Variants in GLB1 observed in about 807,000 individuals in gnomAD.
GLB1 encodes the protein galactosidase beta 1.
GLB1 carries 56 observed loss-of-function variants against 74.0 expected under a neutral mutation model. That is an observed-to-expected ratio of 0.76 (90% CI 0.61 to 0.94). The LOEUF (loss-of-function observed/expected upper bound fraction) is 0.94. Ranked by LOEUF, GLB1 falls within the 40% of genes least tolerant of loss-of-function variation. The pLI is 0.00. For synonymous variants in GLB1, 323 were observed against 323.6 expected (o/e 1.00, Z 0.02); for missense variants, 787 against 845.5 (o/e 0.93, Z 0.86).
intron 10 of GLB1, chr3:33,045,565 T>A (rs11927929): frequency 3.7e-5 from 37 of 989,948 alleles, no homozygotes; most frequent in Non-Finnish European, 4.2e-5. Flanking sequence ...ATAATTCTTA[T>A]ACACTTTGGT....
chr3:33,090,677 C>T, intron 1 of GLB1: 1 of 985,424 alleles, frequency 1.0e-6, no homozygotes, highest in Non-Finnish European at 1.2e-6. Flanking sequence ...TCATGGAGAC[C>T]TGCCCACCAG....
At chr3:33,048,469 T>C (rs752201751) in intron 9 of GLB1, among the ~76,000 whole-genome samples, 7 of 152,144 alleles carry the variant, frequency 4.6e-5, no homozygotes, top group Non-Finnish European at 1.0e-4. Context: ...CTGGACCCTG[T>C]AGGCAGCCAT....
chr3:32,986,872 T>C, the GLB1 span, among the ~76,000 whole-genome samples: 1 of 152,182 alleles, frequency 6.6e-6, no homozygotes, highest in East Asian at 1.9e-4. Context: ...ATTACAGCCA[T>C]GAGCCACTGC....
chr3:32,968,348 T>C, the GLB1 span, among the ~76,000 whole-genome samples: 1 of 151,690 alleles, frequency 6.6e-6, no homozygotes. Flanking sequence ...GTCAAGGCCA[T>C]GGTATGAAAA....
the GLB1 span, among the ~76,000 whole-genome samples, chr3:32,976,305 C>A: frequency 6.6e-6 from 1 of 152,184 alleles, no homozygotes; most frequent in African/African-American, 2.4e-5. Context: ...CTGGAGCTAT[C>A]GAGGGCCTTT....
chr3:32,973,910 T>C, the GLB1 span, among the ~76,000 whole-genome samples: 2 of 152,086 alleles, frequency 1.3e-5, no homozygotes, highest in Non-Finnish European at 2.9e-5. Context: ...TTTTGGCACT[T>C]GAAGCAAGCA....
At chr3:33,040,606 C>G (rs1361412635) in intron 10 of GLB1, among the ~76,000 whole-genome samples, 2 of 151,868 alleles carry the variant, frequency 1.3e-5, no homozygotes, top group African/African-American at 4.8e-5. Flanking sequence ...GAAACCCTGT[C>G]TCTAAGAACA....
chr3:33,026,614 G>C (rs1697771028), intron 10 of GLB1, among the ~76,000 whole-genome samples: 1 of 152,070 alleles, frequency 6.6e-6, no homozygotes, highest in Non-Finnish European at 1.5e-5. Flanking sequence ...CTTTTCCCTG[G>C]GCCTGCCAAT....
the GLB1 span, among the ~76,000 whole-genome samples, chr3:32,971,059 C>T: frequency 6.6e-6 from 1 of 152,218 alleles, no homozygotes. Context: ...TCCTAAACAT[C>T]TGTACGGAGA....
intron 11 of GLB1, 23 bp downstream of exon 11, chr3:33,024,228 T>C (rs776715606): frequency 1.3e-6 from 2 of 1,598,620 alleles, no homozygotes; most frequent in Non-Finnish European, 1.7e-6. Flanking sequence ...ACTTTCAAAG[T>C]TTCTGTTATT....
intron 10 of GLB1, among the ~76,000 whole-genome samples, chr3:33,043,292 T>C (rs1364213585): frequency 6.6e-6 from 1 of 152,150 alleles, no homozygotes; most frequent in East Asian, 1.9e-4. Flanking sequence ...TGTGTGTCAA[T>C]GACTAGAGAG....
chr3:32,985,716 T>C, the GLB1 span, among the ~76,000 whole-genome samples: 8,232 of 152,210 alleles, frequency 0.054, 242 homozygotes, highest in Middle Eastern at 0.082. Flanking sequence ...TGTCTATATA[T>C]ATTTTTTGAG....
chr3:33,045,653 G>C lies in GLB1; in HGVS notation c.1068+467C>G, dbSNP rs1180560486. 4 of 996,938 alleles carry C rather than the reference G, an allele frequency of 4.0e-6. No individual in the cohort carries two copies. The African/African-American group carries it at 5.2e-5, about 13-fold the overall frequency. The allele number at this position is 996,938 out of a possible 1,614,324, so 61.8% of individuals were successfully genotyped here. On this transcript the variant is annotated intron_variant, in intron 10 of 15. Transcript: ENST00000307363. ...TAGCTTTACCTCTTTTGATATTGAA[G>C]TACATTAGCTGTGTCTCAAGGATAG...
At chr3:32,992,241 T>C (rs1331018254), downstream of GLB1, among the ~76,000 whole-genome samples, 1 of 152,186 alleles carries the variant, frequency 6.6e-6, no homozygotes, top group Non-Finnish European at 1.5e-5. Context: ...CCCCTTTGGG[T>C]CTGGTCTGTG....
the GLB1 span, among the ~76,000 whole-genome samples, chr3:32,975,727 T>C: frequency 6.6e-6 from 1 of 152,088 alleles, no homozygotes; most frequent in East Asian, 1.9e-4. Context: ...TCTAAAACAG[T>C]GAACAAGATC....
In GLB1 at chr3:33,077,148, C is replaced by CTT. The variant is rs747738770; in HGVS notation, c.76-4436_76-4435insAA. The CTT allele has an allele frequency of 7.9e-5, 114 of 1,442,942 alleles. No homozygotes were observed. The African/African-American group carries it at 1.3e-3, about 17-fold the overall frequency. 89.4% of individuals were successfully genotyped at this position (1,442,942 alleles called of 1,614,324 possible). On this transcript the variant is annotated intron_variant, in intron 1 of 15. Coordinates refer to ENST00000307363, the MANE Select transcript of GLB1 (RefSeq NM_000404.4). Reference sequence around the variant, plus strand: ...TCCTGTTGCTGCTTGCGTGCTCATTCGGTGCAGTCTTGGTACCTCTTTTGT... The same window carrying CTT: ...TCCTGTTGCTGCTTGCGTGCTCATTCTTGGTGCAGTCTTGGTACCTCTTTTGT...
At chr3:32,962,672 T>G in the GLB1 span, among the ~76,000 whole-genome samples, 1 of 151,604 alleles carries the variant, frequency 6.6e-6, no homozygotes, top group Non-Finnish European at 1.5e-5. Context: ...CAAATAACAA[T>G]CAGGAGATGT....
the GLB1 span, among the ~76,000 whole-genome samples, chr3:32,967,502 G>A: frequency 6.6e-6 from 1 of 152,296 alleles, no homozygotes; most frequent in East Asian, 1.9e-4. Flanking sequence ...GGGAGGTGGA[G>A]GTTCAAGATG....
At position 33,065,548 on chromosome 3, in the gene GLB1, G is replaced by C; in HGVS notation, c.467C>G (p.Ala156Gly). 1 of 1,575,938 alleles carries C rather than the reference G, an allele frequency of 6.3e-7. No individual in the cohort carries two copies. The highest frequency in any genetic ancestry group is 8.6e-7 in the Non-Finnish European group (1 of 1,157,462). Residue 156 changes from alanine to glycine, a missense_variant, in exon 5 of 16, where the codon GCA becomes GGA. Ala to Gly is a moderately conservative substitution (Grantham distance 60). Transcript: ENST00000307363. ...LLRSSDPDYL[A>G]AVDKWLGVLL... ...GACTCCCAACCACTTGTCCACAGCT[G>C]CCAGGTAATCTGGAAAACAAGAAAA...
Sources: allele counts gnomAD v4.1 joint callset (sites outside exome capture counted in the v4.1 genomes callset), GRCh38; gene constraint gnomAD v4.1.1; transcripts MANE v1.5; gene names NCBI Gene and HGNC (gene_info 2026-07-23, HGNC 2026-07-21).